Variants in FAM120B observed in about 807,000 individuals in gnomAD.
The protein encoded by FAM120B is constitutive coactivator of peroxisome proliferator-activated receptor gamma.
FAM120B carries 83 observed loss-of-function variants against 96.3 expected under a neutral mutation model. That is an observed-to-expected ratio of 0.86 (90% CI 0.72 to 1.03). The LOEUF (loss-of-function observed/expected upper bound fraction) is 1.03, where lower values mean the gene tolerates loss of function less well. Ranked by LOEUF, FAM120B falls within the 50% of genes least tolerant of loss-of-function variation. The probability of loss-of-function intolerance (pLI) is 0.00; values close to 1 mark genes in which losing one functional copy is unlikely to be tolerated. For missense variants in FAM120B, 1,027 were observed against 1,121.2 expected, an observed-to-expected ratio of 0.92 and a Z score of 1.20; for synonymous variants, 407 against 402.7, an observed-to-expected ratio of 1.01 and a Z score of -0.13.
chr6:170,382,406 A>C (rs949603315), intron 6 of FAM120B, among the ~76,000 whole-genome samples: 2 of 152,184 alleles, frequency 1.3e-5, no homozygotes, highest in Non-Finnish European at 2.9e-5. Flanking sequence ...CCTGTCCTTA[A>C]AAAACAAACA....
intron 6 of FAM120B, among the ~76,000 whole-genome samples, chr6:170,383,093 C>G (rs1410806094): frequency 7.6e-6 from 1 of 132,412 alleles, no homozygotes; most frequent in Admixed American, 7.5e-5. Context: ...TACCCATAAG[C>G]CAAAAAAAGA....
At chr6:170,395,674 A>G (rs1790690129) in intron 9 of FAM120B, 95 bp downstream of exon 9, 1 of 830,808 alleles carries the variant, frequency 1.2e-6, no homozygotes, top group African/African-American at 1.7e-5. Flanking sequence ...TGTTTCAGAA[A>G]GGTTGTATAG....
At chr6:170,299,478 C>A (rs1264365915) in intron 1 of FAM120B, among the ~76,000 whole-genome samples, 1 of 152,210 alleles carries the variant, frequency 6.6e-6, no homozygotes, top group African/African-American at 2.4e-5. Flanking sequence ...AAGAACCAGT[C>A]TTTTGTGTCA....
intron 1 of FAM120B, among the ~76,000 whole-genome samples, chr6:170,310,107 C>T (rs767074845): frequency 5.9e-5 from 9 of 152,130 alleles, no homozygotes; most frequent in Non-Finnish European, 1.0e-4. Context: ...TTTTTCTCTA[C>T]TATGGGTTTA....
At chr6:170,362,856 A>T (rs1198062266) in intron 6 of FAM120B, among the ~76,000 whole-genome samples, 3 of 146,258 alleles carry the variant, frequency 2.1e-5, no homozygotes, top group Non-Finnish European at 4.5e-5. Flanking sequence ...TAATTTTTGT[A>T]TTTTTTTTTT....
At chr6:170,316,894 A>G (rs1401221656) in intron 1 of FAM120B, among the ~76,000 whole-genome samples, 2 of 152,200 alleles carry the variant, frequency 1.3e-5, no homozygotes, top group African/African-American at 4.8e-5. Context: ...CTCTTCCTGT[A>G]CTAGAATTTT....
intron 1 of FAM120B, among the ~76,000 whole-genome samples, chr6:170,312,583 T>C (rs1223118715): frequency 6.6e-6 from 1 of 152,206 alleles, no homozygotes; most frequent in Non-Finnish European, 1.5e-5. Context: ...ACTTCCCCTG[T>C]GACATCAGCT....
intron 4 of FAM120B, among the ~76,000 whole-genome samples, chr6:170,335,259 C>T (rs1274431120): frequency 2.0e-5 from 3 of 151,806 alleles, no homozygotes; most frequent in Non-Finnish European, 4.4e-5. Flanking sequence ...TCCCTGTGTC[C>T]GTGTGCTCTC....
intron 4 of FAM120B, among the ~76,000 whole-genome samples, chr6:170,343,500 A>G (rs114495580): frequency 0.019 from 2,951 of 152,194 alleles, 127 homozygotes; most frequent in African/African-American, 0.068. Flanking sequence ...AAAATTTTTT[A>G]TATTAAAAAG....
At chr6:170,329,421 G>A (rs552155246) in intron 3 of FAM120B, among the ~76,000 whole-genome samples, 4 of 152,262 alleles carry the variant, frequency 2.6e-5, no homozygotes, top group Admixed American at 6.5e-5. Flanking sequence ...TAGTGTTGAT[G>A]GTAGGAAGGC....
rs1412737027 is a variant in FAM120B, at chr6:170,330,501, C to G, written c.1968C>G (p.Asn656Lys). The G allele has an allele frequency of 6.2e-7, 1 of 1,614,042 alleles. No individual in the cohort carries two copies. The highest frequency in any genetic ancestry group is 1.3e-5 in the African/African-American group (1 of 74,912). The change falls in exon 4 of 11, where the codon AAC (asparagine) becomes AAG (lysine). Residue 656 changes from asparagine (N) to lysine (K), a missense_variant. By Grantham distance (94) the Asn-to-Lys change is moderately conservative (BLOSUM62 0). This residue lies in a region of FAM120B where 880 missense variants were observed against 980.9 expected (regional missense o/e 0.90). Coordinates refer to ENST00000476287, the MANE Select transcript of FAM120B (RefSeq NM_032448.3). The part of the protein sequence containing the change: ...AVKEWFVYPG[N>K]PLRHPDLVRP... ...AGGAGTGGTTTGTGTATCCTGGGAA[C>G]CCACTGAGGCACCCGGACCTCGTCA...
intron 6 of FAM120B, among the ~76,000 whole-genome samples, chr6:170,385,606 A>G (rs1459941590): frequency 6.6e-6 from 1 of 152,202 alleles, no homozygotes; most frequent in East Asian, 1.9e-4. Flanking sequence ...TGGTTTCTTA[A>G]CAAAGCTAAA....
chr6:170,375,231 A>G (rs992277066), intron 6 of FAM120B, among the ~76,000 whole-genome samples: 1 of 152,202 alleles, frequency 6.6e-6, no homozygotes, highest in Admixed American at 6.5e-5. Context: ...GTATCTTTCT[A>G]AATAACCGAC....
chr6:170,307,366 C>T (rs1784356771), intron 1 of FAM120B, among the ~76,000 whole-genome samples: 1 of 152,172 alleles, frequency 6.6e-6, no homozygotes, highest in African/African-American at 2.4e-5. Context: ...ACAGGGTTCC[C>T]TGCCAGCAAG....
rs775403085 is a variant in FAM120B at position 170,358,139 on chromosome 6, C to T, written c.2191-87C>T. On this transcript the variant is annotated intron_variant, in intron 5 of 10. Coordinates refer to ENST00000476287, the MANE Select transcript of FAM120B (RefSeq NM_032448.3). ...GTGTGCATGTTTGCGCCTATACACA[C>T]ACTCATAGTTAATAACTGAGATCAA... is the stretch of plus-strand genomic sequence containing the variant. 133 of 1,166,146 alleles carry T rather than the reference C, an allele frequency of 1.1e-4. No homozygotes were observed. The Middle Eastern group carries it at 2.1e-3, about 19-fold the overall frequency. 72.2% of individuals were successfully genotyped at this position (1,166,146 alleles called of 1,614,324 possible).
intron 6 of FAM120B, among the ~76,000 whole-genome samples, chr6:170,366,216 A>T (rs142013983): frequency 3.3e-5 from 5 of 152,286 alleles, no homozygotes; most frequent in Non-Finnish European, 4.4e-5. Flanking sequence ...GCTGCCTGAA[A>T]GCTGAAAGGG....
chr6:170,376,860 G>A (rs1407215304), intron 6 of FAM120B, among the ~76,000 whole-genome samples: 1 of 152,172 alleles, frequency 6.6e-6, no homozygotes, highest in Non-Finnish European at 1.5e-5. Flanking sequence ...CTAGAGAAGA[G>A]GAGGAAGTGC....
intron 6 of FAM120B, among the ~76,000 whole-genome samples, chr6:170,362,116 G>A (rs796137545): frequency 3.9e-5 from 6 of 152,302 alleles, no homozygotes; most frequent in African/African-American, 1.2e-4. Context: ...TAGTACAGAA[G>A]TAAAGTAAAT....
chr6:170,362,699 T>TTTA (rs1788537745), intron 6 of FAM120B, among the ~76,000 whole-genome samples: 1 of 151,066 alleles, frequency 6.6e-6, no homozygotes, highest in African/African-American at 2.4e-5. Flanking sequence ...TTTTTTTTTT[T>TTTA]GAGACAAGGT....
Sources: allele counts gnomAD v4.1 joint callset (sites outside exome capture counted in the v4.1 genomes callset), GRCh38; gene constraint gnomAD v4.1.1; regional missense constraint gnomAD v4.1.1; transcripts MANE v1.5; gene names NCBI Gene and HGNC (gene_info 2026-07-23, HGNC 2026-07-21).